The following SH3GL3 variants were observed in gnomAD, a reference collection of about 807,000 sequenced individuals.
SH3GL3 encodes the protein SH3 domain containing GRB2 like 3, endophilin A3, also known as endophilin-A3.
A neutral mutation model predicts 47.7 loss-of-function variants in SH3GL3; 33 were observed. That is an observed-to-expected ratio of 0.69 (90% confidence interval 0.52 to 0.92). The LOEUF (loss-of-function observed/expected upper bound fraction) is 0.92, where lower values mean the gene tolerates loss of function less well. Among genes scored for constraint, SH3GL3 ranks in the 40% least tolerant of loss-of-function variants. The pLI is 0.00. For synonymous variants in SH3GL3, 155 were observed against 148.8 expected (o/e 1.04, Z -0.30); for missense variants, 363 against 417.8 (o/e 0.87, Z 1.14).
intron 1 of SH3GL3, among the ~76,000 whole-genome samples, chr15:83,486,091 T>C (rs1441480815): frequency 6.6e-6 from 1 of 152,202 alleles, no homozygotes; most frequent in Non-Finnish European, 1.5e-5. Flanking sequence ...CATCTAACAA[T>C]GATTTTTTAT....
intron 6 of SH3GL3, among the ~76,000 whole-genome samples, chr15:83,579,135 T>A (rs2059764539): frequency 6.6e-6 from 1 of 152,228 alleles, no homozygotes; most frequent in Non-Finnish European, 1.5e-5. Flanking sequence ...CAATCATTTG[T>A]CCATGTTTTG....
intron 2 of SH3GL3, among the ~76,000 whole-genome samples, 186 bp downstream of exon 2, chr15:83,559,507 A>T (rs997504542): frequency 3.9e-5 from 6 of 152,200 alleles, no homozygotes; most frequent in African/African-American, 1.4e-4. Context: ...CTGTAGCCAC[A>T]TGCAGTTTGG....
rs985078465 is a variant in SH3GL3 at position 83,448,608 on chromosome 15, G to A, written c.45+1030G>A. 6.6e-6 allele frequency among the ~76,000 whole-genome samples: 1 copy of A among 151,890 alleles called. No homozygotes were observed. Among genetic ancestry groups the A allele is most frequent in the Non-Finnish European group, 1.5e-5 (1 of 67,990 alleles). On this transcript the variant is annotated intron_variant, in intron 1 of 8. Coordinates refer to ENST00000427482, the MANE Select transcript of SH3GL3 (RefSeq NM_003027.5). The surrounding 1 kb of genome is among the most constrained non-coding windows in gnomAD (Gnocchi z 4.2). ...CTGTTGCTTCTCACCACCTCTCCCCGCAACCCCAGCCCCCATTTTGCTAGA... is the reference window on the plus strand; with the variant it reads ...CTGTTGCTTCTCACCACCTCTCCCCACAACCCCAGCCCCCATTTTGCTAGA...
At chr15:83,497,049 A>G (rs1181446935) in intron 1 of SH3GL3, among the ~76,000 whole-genome samples, 2 of 152,090 alleles carry the variant, frequency 1.3e-5, no homozygotes, top group African/African-American at 4.8e-5. Flanking sequence ...GGAGCCCTCT[A>G]ACATCTGTCT....
chr15:83,486,921 C>T (rs1324671439), intron 1 of SH3GL3, among the ~76,000 whole-genome samples: 1 of 152,044 alleles, frequency 6.6e-6, no homozygotes, highest in East Asian at 1.9e-4. Context: ...TCTGGCCTCT[C>T]TTCCTCTTCT....
At chr15:83,631,494 T>C in the SH3GL3 span, among the ~76,000 whole-genome samples, 2 of 152,212 alleles carry the variant, frequency 1.3e-5, no homozygotes, top group African/African-American at 4.8e-5. Flanking sequence ...GGGGTTTCCA[T>C]ACATCCTCTG....
At chr15:83,457,892 A>G (rs958252682) in intron 1 of SH3GL3, among the ~76,000 whole-genome samples, 2 of 152,208 alleles carry the variant, frequency 1.3e-5, no homozygotes, top group Non-Finnish European at 2.9e-5. Context: ...TATAAAGTAA[A>G]TGTAACTCAT....
intron 1 of SH3GL3, among the ~76,000 whole-genome samples, chr15:83,469,928 A>G (rs2040752774): frequency 6.6e-6 from 1 of 152,202 alleles, no homozygotes; most frequent in Non-Finnish European, 1.5e-5. Context: ...AACTATAATT[A>G]TGGATTTGTC....
Position 83,568,668 on chromosome 15 carries a change from C to T in SH3GL3, c.327C>T (p.Thr109=). 6.2e-7 allele frequency: 1 copy of T among 1,613,208 alleles called. No homozygotes were observed. Among genetic ancestry groups the T allele is most frequent in the Admixed American group, 1.7e-5 (1 of 60,006 alleles). The change falls in exon 4 of 9, where the codon ACC becomes ACT. Residue 109 remains threonine (T), a synonymous_variant. Coordinates refer to ENST00000427482, the MANE Select transcript of SH3GL3 (RefSeq NM_003027.5). ...GGAAGGAGCTCGGGGAAGACTCCAC[C>T]TTTGGTGAGTTATTCAGAGATCAGC... ...KYGKELGEDS[T]FGNALIEVGE... is the part of the protein sequence containing the mutation.
At chr15:83,570,177 T>A (rs1033681795) in intron 4 of SH3GL3, among the ~76,000 whole-genome samples, 1 of 152,178 alleles carries the variant, frequency 6.6e-6, no homozygotes, top group Non-Finnish European at 1.5e-5. Flanking sequence ...GCTCCTGCAT[T>A]TATTGGAGCT....
At chr15:83,476,635 A>G (rs2041111589) in intron 1 of SH3GL3, among the ~76,000 whole-genome samples, 1 of 152,274 alleles carries the variant, frequency 6.6e-6, no homozygotes, top group Non-Finnish European at 1.5e-5. Flanking sequence ...TGATAATTAC[A>G]TGAAATTCAG....
At chr15:83,592,171 A>G (rs558368717) in intron 8 of SH3GL3, among the ~76,000 whole-genome samples, 1 of 152,110 alleles carries the variant, frequency 6.6e-6, no homozygotes, top group Non-Finnish European at 1.5e-5. Context: ...TTCAGTTTGG[A>G]TAAATGTATT....
intron 8 of SH3GL3, among the ~76,000 whole-genome samples, chr15:83,589,019 A>T (rs1389544552): frequency 6.6e-6 from 1 of 152,030 alleles, no homozygotes; most frequent in Non-Finnish European, 1.5e-5. Context: ...ATCATCCTTT[A>T]TTTTTTTAAC....
At chr15:83,487,003 G>A (rs1029789951) in intron 1 of SH3GL3, among the ~76,000 whole-genome samples, 2 of 152,092 alleles carry the variant, frequency 1.3e-5, no homozygotes, top group African/African-American at 2.4e-5. Flanking sequence ...CCTCCCCAAA[G>A]CCCTGCTTCC....
chr15:83,462,981 C>G (rs1164663699), intron 1 of SH3GL3, among the ~76,000 whole-genome samples: 2 of 152,064 alleles, frequency 1.3e-5, no homozygotes, highest in Admixed American at 6.6e-5. Context: ...CAATCTTTCT[C>G]CAAAGAAAGA....
intron 8 of SH3GL3, among the ~76,000 whole-genome samples, chr15:83,606,252 TTCTCTA>T (rs1013662861): frequency 3.3e-5 from 5 of 152,222 alleles, no homozygotes; most frequent in African/African-American, 1.2e-4. Context: ...GACCTTCTAA[TTCTCTA>T]GGTATAAAAG....
the SH3GL3 span, among the ~76,000 whole-genome samples, chr15:83,625,061 C>A: frequency 6.6e-6 from 1 of 152,066 alleles, no homozygotes; most frequent in Non-Finnish European, 1.5e-5. Flanking sequence ...GAGTTCAAGA[C>A]CAGCCTGGCC....
chr15:83,470,746 T>A (rs1235466262), intron 1 of SH3GL3, among the ~76,000 whole-genome samples: 1 of 152,176 alleles, frequency 6.6e-6, no homozygotes, highest in Non-Finnish European at 1.5e-5. Flanking sequence ...TAGGTGAAAT[T>A]TTTTAGTATT....
chr15:83,499,133 A>G (rs895884527), intron 1 of SH3GL3, among the ~76,000 whole-genome samples: 1 of 152,110 alleles, frequency 6.6e-6, no homozygotes, highest in Non-Finnish European at 1.5e-5. Flanking sequence ...GTGTTCTTAC[A>G]GCGTTTTATA....
Sources: gnomAD v4.1 joint callset for allele counts (sites outside exome capture counted in the v4.1 genomes callset) on GRCh38, gnomAD v4.1.1 for gene constraint, Gnocchi (gnomAD v3.1) non-coding constraint, MANE v1.5 for transcripts, NCBI Gene and HGNC (gene_info 2026-07-23, HGNC 2026-07-21) for gene names.